The following LRP1B variants were observed in gnomAD, a reference collection of about 807,000 sequenced individuals.
LRP1B encodes the protein low-density lipoprotein receptor-related protein 1B.
LRP1B carries 217 observed loss-of-function variants against 556.6 expected under a neutral mutation model. The ratio of observed to expected loss-of-function variants is 0.39; its 90% CI spans 0.35 to 0.44. The LOEUF (loss-of-function observed/expected upper bound fraction) is 0.44. Among genes scored for constraint, LRP1B ranks in the 20% least tolerant of loss-of-function variants. The pLI is 1.00. For missense variants in LRP1B, 5,053 were observed against 5,620.8 expected (o/e 0.90, Z 3.23); for synonymous variants, 2,047 against 1,865.8 (o/e 1.10, Z -2.50).
At chr2:140,437,348 C>A (rs1346112664) in intron 66 of LRP1B, among the ~76,000 whole-genome samples, 7 of 152,144 alleles carry the variant, frequency 4.6e-5, no homozygotes. Context: ...AATTCAAAAT[C>A]TGTCTCCCAG....
intron 1 of LRP1B, among the ~76,000 whole-genome samples, chr2:142,030,160 C>T (rs1703637229): frequency 6.6e-6 from 1 of 151,608 alleles, no homozygotes; most frequent in Non-Finnish European, 1.5e-5. Context: ...TGGTAAGCTC[C>T]TAGAGGGCAG....
At chr2:141,951,349 A>G (rs896144926) in intron 1 of LRP1B, among the ~76,000 whole-genome samples, 2 of 152,038 alleles carry the variant, frequency 1.3e-5, no homozygotes, top group Non-Finnish European at 2.9e-5. Flanking sequence ...CAATCTCCCC[A>G]ACTCCGAGTC....
chr2:140,328,138 C>G (rs1680594007), intron 79 of LRP1B, among the ~76,000 whole-genome samples: 2 of 151,870 alleles, frequency 1.3e-5, no homozygotes, highest in Non-Finnish European at 2.9e-5. Flanking sequence ...GGAAAAAAAT[C>G]AATTCTCAAG....
intron 60 of LRP1B, among the ~76,000 whole-genome samples, chr2:140,468,734 TC>T (rs1687647360): frequency 6.6e-6 from 1 of 152,248 alleles, no homozygotes; most frequent in African/African-American, 2.4e-5. Context: ...TCTACAGCTT[TC>T]CCCTTCTTCT....
chr2:141,864,391 A>C (rs563419320), intron 1 of LRP1B, among the ~76,000 whole-genome samples: 3 of 152,316 alleles, frequency 2.0e-5, no homozygotes, highest in East Asian at 1.9e-4. Context: ...CATTATCACA[A>C]CACCAATATT....
chr2:140,322,702 C>CCAAT (rs557039012), intron 81 of LRP1B, among the ~76,000 whole-genome samples: 1 of 151,908 alleles, frequency 6.6e-6, no homozygotes, highest in East Asian at 1.9e-4. Context: ...AAATTTTTAT[C>CCAAT]CAATCAGCAT....
intron 3 of LRP1B, among the ~76,000 whole-genome samples, chr2:141,278,099 C>T (rs1365787807): frequency 2.0e-5 from 3 of 152,048 alleles, no homozygotes; most frequent in African/African-American, 7.2e-5. Context: ...TCATCAAAAT[C>T]CTAAGTTGTC....
intron 2 of LRP1B, among the ~76,000 whole-genome samples, chr2:141,534,205 C>G (rs954686165): frequency 6.6e-6 from 1 of 152,076 alleles, no homozygotes; most frequent in Non-Finnish European, 1.5e-5. Flanking sequence ...GTAATGGATG[C>G]AGTGAGAGAG....
chr2:140,539,600 TTTGCCA>T (rs1410159050), intron 45 of LRP1B, among the ~76,000 whole-genome samples: 2 of 152,108 alleles, frequency 1.3e-5, no homozygotes, highest in African/African-American at 4.8e-5. Context: ...AGAAATAAGC[TTTGCCA>T]TTTTGACTAA....
rs184013230 is a variant in LRP1B at position 141,262,757 on chromosome 2, C to T, written c.344-8116G>A. Among the ~76,000 whole-genome samples, 100 of 152,116 alleles carry T rather than the reference C, an allele frequency of 6.6e-4. No individual in the cohort carries two copies. In the East Asian group the frequency reaches 8.5e-3, roughly 13 times the overall value. ...GGTATATTTTTGTACCCTTATGTTT[C>T]GTTAATCTGTATGTCTGTCCTTTCT... is the stretch of plus-strand genomic sequence containing the variant. On this transcript the variant is annotated intron_variant, in intron 3 of 90. Transcript: ENST00000389484.
chr2:140,308,138 G>A (rs1684143329), intron 83 of LRP1B, among the ~76,000 whole-genome samples: 1 of 151,754 alleles, frequency 6.6e-6, no homozygotes, highest in African/African-American at 2.4e-5. Context: ...TTTGAATATT[G>A]TAGAGGTATT....
intron 3 of LRP1B, among the ~76,000 whole-genome samples, chr2:141,360,409 T>G (rs1045319343): frequency 5.3e-5 from 8 of 152,250 alleles, no homozygotes; most frequent in African/African-American, 1.9e-4. Flanking sequence ...ATATGTGAAT[T>G]GATACTTTTG....
chr2:140,280,100 A>G (rs2104963506), intron 84 of LRP1B, among the ~76,000 whole-genome samples: 2 of 151,928 alleles, frequency 1.3e-5, no homozygotes, highest in South Asian at 4.2e-4. Context: ...AATCTAAATG[A>G]AAAACTTAGT....
At chr2:140,253,282 T>C (rs1681533794) in intron 86 of LRP1B, among the ~76,000 whole-genome samples, 1 of 152,092 alleles carries the variant, frequency 6.6e-6, no homozygotes, top group South Asian at 2.1e-4. Context: ...TTCTGAGAAG[T>C]GTTAATGTGG....
intron 3 of LRP1B, among the ~76,000 whole-genome samples, chr2:141,287,896 C>T (rs1465656332): frequency 6.6e-6 from 1 of 152,126 alleles, no homozygotes; most frequent in Non-Finnish European, 1.5e-5. Context: ...TTTATTTCTA[C>T]CTTTAATTCT....
intron 68 of LRP1B, 112 bp downstream of exon 68, chr2:140,378,068 A>C: frequency 8.8e-6 from 6 of 679,192 alleles, no homozygotes; most frequent in South Asian, 7.6e-5. Flanking sequence ...TCAATGTGTC[A>C]GGAGCAAAGT....
At chr2:141,264,317 A>G (rs79514026) in intron 3 of LRP1B, among the ~76,000 whole-genome samples, 105 of 152,326 alleles carry the variant, frequency 6.9e-4, no homozygotes, top group African/African-American at 2.4e-3. Flanking sequence ...GCATGTTAAT[A>G]TTTCATAAGA....
intron 1 of LRP1B, among the ~76,000 whole-genome samples, chr2:141,974,468 G>A (rs1369794176): frequency 4.6e-5 from 7 of 151,964 alleles, no homozygotes; most frequent in African/African-American, 7.2e-5. Flanking sequence ...ACAACCTTTC[G>A]AGTTTTCAGT....
chr2:141,498,112 T>A (rs1467410489), intron 2 of LRP1B, among the ~76,000 whole-genome samples: 1 of 152,028 alleles, frequency 6.6e-6, no homozygotes, highest in Non-Finnish European at 1.5e-5. Context: ...TAGTATTTGA[T>A]GCTAAGATAC....
Sources: allele counts gnomAD v4.1 joint callset (sites outside exome capture counted in the v4.1 genomes callset), GRCh38; gene constraint gnomAD v4.1.1; transcripts MANE v1.5; gene names NCBI Gene and HGNC (gene_info 2026-07-23, HGNC 2026-07-21).